The following PCSK5 variants were observed in gnomAD, a reference collection of about 807,000 sequenced individuals.
PCSK5 encodes proprotein convertase subtilisin/kexin type 5.
In PCSK5, 129 loss-of-function variants were observed where a neutral mutation model predicts 233.2. The observed-to-expected ratio is 0.55, with a 90% confidence interval of 0.48 to 0.64. PCSK5 has a LOEUF of 0.64. Ranked by LOEUF, PCSK5 falls within the 30% of genes least tolerant of loss-of-function variation. The pLI, the probability that PCSK5 is intolerant of heterozygous loss-of-function variation, is 0.00. For synonymous variants in PCSK5, 825 were observed against 879.2 expected (o/e 0.94, Z 1.09); for missense variants, 2,076 against 2,430.1 (o/e 0.85, Z 3.06).
chr9:75,908,281 G>T (rs1200357657), intron 1 of PCSK5, among the ~76,000 whole-genome samples: 3 of 152,196 alleles, frequency 2.0e-5, no homozygotes, highest in Non-Finnish European at 4.4e-5. Flanking sequence ...AGGCCTTCAG[G>T]CTTGGGTAGA....
At chr9:76,335,130 C>A (rs939096392) in intron 34 of PCSK5, among the ~76,000 whole-genome samples, 11 of 152,278 alleles carry the variant, frequency 7.2e-5, no homozygotes, top group Admixed American at 3.9e-4. Context: ...CTGGCTTAGC[C>A]CTTCTGCATC....
intron 20 of PCSK5, among the ~76,000 whole-genome samples, chr9:76,219,152 C>A (rs1207678548): frequency 6.6e-6 from 1 of 152,168 alleles, no homozygotes; most frequent in African/African-American, 2.4e-5. Context: ...AGGGGCTTCT[C>A]TTTTCTCTTA....
chr9:76,230,679 T>C (rs1826052150), intron 21 of PCSK5, among the ~76,000 whole-genome samples: 2 of 152,134 alleles, frequency 1.3e-5, no homozygotes, highest in Non-Finnish European at 2.9e-5. Context: ...CTGAGCTCCA[T>C]CTCCTGTCAC....
intron 24 of PCSK5, among the ~76,000 whole-genome samples, chr9:76,263,735 A>T (rs915273556): frequency 2.0e-5 from 3 of 152,188 alleles, no homozygotes; most frequent in African/African-American, 7.2e-5. Context: ...ATATGTAACT[A>T]ACCTGCACAT....
chr9:76,296,468 G>A (rs754748453), intron 26 of PCSK5, among the ~76,000 whole-genome samples, 197 bp from the exon 27 acceptor site: 24 of 152,082 alleles, frequency 1.6e-4, no homozygotes, highest in Admixed American at 1.4e-3. Context: ...GCTTGAACCC[G>A]GGAGGTGGAG....
chr9:76,076,560 G>C (rs1830653180), intron 7 of PCSK5, among the ~76,000 whole-genome samples: 1 of 152,190 alleles, frequency 6.6e-6, no homozygotes, highest in Non-Finnish European at 1.5e-5. Flanking sequence ...GATTTTCACA[G>C]AGGAAATAAA....
chr9:76,356,516 A>G (rs907953598), intron 37 of PCSK5, among the ~76,000 whole-genome samples: 1 of 152,242 alleles, frequency 6.6e-6, no homozygotes, highest in Non-Finnish European at 1.5e-5. Context: ...TTCAGGCAGT[A>G]TTTATCTCAC....
intron 10 of PCSK5, among the ~76,000 whole-genome samples, chr9:76,136,493 A>T (rs972015437): frequency 6.6e-6 from 1 of 152,098 alleles, no homozygotes; most frequent in Non-Finnish European, 1.5e-5. Context: ...CGGCTTTTGC[A>T]GGTCTTGCTT....
intron 2 of PCSK5, among the ~76,000 whole-genome samples, chr9:75,977,768 G>C (rs144246762): frequency 6.6e-6 from 1 of 151,342 alleles, no homozygotes; most frequent in African/African-American, 2.4e-5. Context: ...CTCCCACCAC[G>C]CACGGCTAAT....
chr9:75,900,343 GAC>G (rs969583009), intron 1 of PCSK5, among the ~76,000 whole-genome samples: 1 of 152,146 alleles, frequency 6.6e-6, no homozygotes, highest in African/African-American at 2.4e-5. Context: ...AATAGTATCT[GAC>G]ACACAAATAC....
intron 9 of PCSK5, among the ~76,000 whole-genome samples, chr9:76,111,768 T>C (rs979774790): frequency 3.3e-5 from 5 of 152,132 alleles, no homozygotes; most frequent in African/African-American, 1.2e-4. Flanking sequence ...AAAACCAAAA[T>C]GAAAGATGGC....
At chr9:75,922,949 T>G (rs1371049858) in intron 1 of PCSK5, among the ~76,000 whole-genome samples, 3 of 152,242 alleles carry the variant, frequency 2.0e-5, no homozygotes, top group Non-Finnish European at 4.4e-5. Context: ...CTACGAGGAC[T>G]TAAATTCTTC....
intron 10 of PCSK5, among the ~76,000 whole-genome samples, chr9:76,136,181 C>T (rs188921973): frequency 4.6e-5 from 7 of 151,332 alleles, no homozygotes; most frequent in Admixed American, 4.6e-4. Flanking sequence ...TTGTTGATGG[C>T]GAGTCCCGTA....
In PCSK5 at chr9:76,179,612, G is replaced by A. The variant is rs140498513; in HGVS notation, c.1917G>A (p.Glu639=). The part of the protein sequence containing the change: ...TEDYAGPCDP[E]CSEVGCDGPG... ...TTTGGAAAGGTCCCTGCGACCCTGA[G>A]TGCAGTGAGGTTGGCTGTGACGGGC... Residue 639 remains glutamate, a synonymous_variant, in exon 15 of 38, where the codon GAG becomes GAA. Coordinates refer to ENST00000674117, the MANE Select transcript of PCSK5 (RefSeq NM_001372043.1). 5 of 1,613,484 alleles carry A rather than the reference G, an allele frequency of 3.1e-6. No individual in the cohort carries two copies. The African/African-American group carries it at 5.3e-5, about 17-fold the overall frequency.
At position 76,354,038 on chromosome 9, in the gene PCSK5, GAAGTTT is replaced by G; in HGVS notation, c.5076_5081del (p.Lys1692_Phe1693del). 12 of 1,607,778 alleles carry G rather than the reference GAAGTTT, an allele frequency of 7.5e-6. No homozygotes were observed. Among genetic ancestry groups the G allele is most frequent in the Non-Finnish European group, 1.0e-5 (12 of 1,177,468 alleles). ...CTCTTGATTGCTCTTAACAGGGAGA[GAAGTTT>G]AACTGTGAAAAATGCCACGAGAGCT... On this transcript the variant is annotated inframe_deletion, in exon 37 of 38. Coordinates refer to ENST00000674117, the MANE Select transcript of PCSK5 (RefSeq NM_001372043.1).
At chr9:76,356,726 AAAG>A (rs146112036) in intron 37 of PCSK5, among the ~76,000 whole-genome samples, 4,060 of 152,312 alleles carry the variant, frequency 0.027, 182 homozygotes, top group African/African-American at 0.091. Flanking sequence ...CACTAGCAAA[AAAG>A]AAAGAGAAAT....
intron 4 of PCSK5, among the ~76,000 whole-genome samples, chr9:76,026,348 G>T (rs890520495): frequency 1.3e-5 from 2 of 152,096 alleles, no homozygotes; most frequent in Admixed American, 6.6e-5. Context: ...ATGGTTATTA[G>T]TAGAATGTCT....
intron 12 of PCSK5, 128 bp from the exon 13 acceptor site, chr9:76,169,576 G>T: frequency 1.6e-6 from 1 of 642,392 alleles, no homozygotes; most frequent in Non-Finnish European, 2.7e-6. Flanking sequence ...TGACATCCAG[G>T]ATGCAGACCA....
intron 32 of PCSK5, 75 bp downstream of exon 32, chr9:76,323,363 C>A: frequency 2.4e-6 from 2 of 820,428 alleles, no homozygotes; most frequent in Non-Finnish European, 3.9e-6. Flanking sequence ...CCAGAGCTGT[C>A]ATCTCAATCT....
Sources: gnomAD v4.1 joint callset for allele counts (sites outside exome capture counted in the v4.1 genomes callset) on GRCh38, gnomAD v4.1.1 for gene constraint, MANE v1.5 for transcripts, NCBI Gene and HGNC (gene_info 2026-07-23, HGNC 2026-07-21) for gene names.